The following PRRC2B variants were observed in gnomAD, a reference collection of about 807,000 sequenced individuals.
PRRC2B encodes proline rich coiled-coil 2B.
Under a neutral mutation model 242.3 loss-of-function variants are expected in PRRC2B, and 68 were observed. The observed-to-expected ratio is 0.28, with a 90% CI of 0.23 to 0.34. The LOEUF (loss-of-function observed/expected upper bound fraction) is 0.34. Among genes scored for constraint, PRRC2B ranks in the 10% least tolerant of loss-of-function variants. The pLI, the probability that PRRC2B is intolerant of heterozygous loss-of-function variation, is 1.00. For synonymous variants in PRRC2B, 1,228 were observed against 1,173.6 expected, an observed-to-expected ratio of 1.05 and a Z score of -0.95; for missense variants, 2,835 against 2,954.8, an observed-to-expected ratio of 0.96 and a Z score of 0.94.
At chr9:131,466,689 A>T (rs180852974) in intron 12 of PRRC2B, among the ~76,000 whole-genome samples, 1 of 151,422 alleles carries the variant, frequency 6.6e-6, no homozygotes, top group Non-Finnish European at 1.5e-5. Context: ...CAATGGTGTG[A>T]TCTCACTGCA....
upstream of PRRC2B, chr9:131,394,047 G>A (rs1836965943): frequency 6.7e-6 from 1 of 149,812 alleles, no homozygotes; most frequent in East Asian, 2.0e-4. Flanking sequence ...GGCGGCGGCA[G>A]GCGGGGGGCG....
At position 131,475,912 on chromosome 9, in the gene PRRC2B, A is replaced by C; in HGVS notation, c.3783A>C (p.Arg1261Ser). ...TDRDYVPDSY[R>S]HPDAFGGRGF... ...GAGACTATGTCCCAGATTCCTACAGACACCCTGACGCATTTGGTGGCCGGG... is the reference window on the plus strand; with the variant it reads ...GAGACTATGTCCCAGATTCCTACAGCCACCCTGACGCATTTGGTGGCCGGG... Residue 1261 changes from arginine (R) to serine (S), a missense_variant, in exon 16 of 32, where the codon AGA (arginine) becomes AGC (serine). By Grantham distance (110) the Arg-to-Ser change is moderately radical. Transcript: ENST00000683519. 1.2e-6 allele frequency: 2 copies of C among 1,613,784 alleles called. No homozygotes were observed. The highest frequency in any genetic ancestry group is 1.7e-6 in the Non-Finnish European group (2 of 1,179,810).
At chr9:131,430,530 T>C (rs534241536) in intron 2 of PRRC2B, among the ~76,000 whole-genome samples, 2 of 147,094 alleles carry the variant, frequency 1.4e-5, no homozygotes, top group South Asian at 2.2e-4. Context: ...TAGATAGATA[T>C]CTATCTATAG....
In PRRC2B at chr9:131,482,419, G is replaced by A. The variant is rs1213325903; in HGVS notation, c.5032G>A (p.Glu1678Lys). The A allele has an allele frequency of 6.2e-7, 1 of 1,600,936 alleles. No homozygotes were observed. ...AGATAGTGGCGTTGACTTGAGTGCC[G>A]AGTCTCGGGAGTCGTCTGCGACCTC... ...QGDSGVDLSA[E>K]SRESSATSSQ... The change falls in exon 21 of 32, where the codon GAG (glutamate) becomes AAG (lysine). Residue 1678 changes from glutamate (E) to lysine (K), a missense_variant. Transcript: ENST00000683519. This position sits in a 1 kb window ranked among gnomAD's most constrained non-coding sequence, Gnocchi z 5.2.
chr9:131,444,410 G>C lies in PRRC2B; in HGVS notation c.613+82G>C, dbSNP rs138807251. 493 of 1,474,936 alleles carry C rather than the reference G, an allele frequency of 3.3e-4. 2 individuals carry two copies. In the African/African-American group the frequency reaches 6.3e-3, roughly 19 times the overall value. The allele number at this position is 1,474,936 out of a possible 1,614,324, so 91.4% of individuals were successfully genotyped here. A position where few individuals can be genotyped will look rare whatever the true frequency, so the allele number is the denominator to read the frequency against. On this transcript the variant is annotated intron_variant, in intron 6 of 31. Transcript: ENST00000683519. ...CTCTCTGCACTCCTAAAAGGGTGCT[G>C]ATGCCACTGGGGTCTCCGGTTCGAG...
At chr9:131,471,084 TG>T in intron 14 of PRRC2B, 101 bp downstream of exon 14, 1 of 799,486 alleles carries the variant, frequency 1.3e-6, no homozygotes, top group Non-Finnish European at 2.0e-6. Flanking sequence ...GATTTTGGTC[TG>T]GCTCTTTGTC....
intron 1 of PRRC2B, among the ~76,000 whole-genome samples, chr9:131,409,601 C>T (rs1471316663): frequency 3.3e-5 from 5 of 152,140 alleles, no homozygotes; most frequent in South Asian, 4.1e-4. Context: ...CTGTGGGGGC[C>T]GGGCTGGGCT....
chr9:131,483,469 G>GCTC (rs774540700), intron 23 of PRRC2B, 24 bp downstream of exon 23: 7 of 1,605,676 alleles, frequency 4.4e-6, no homozygotes, highest in Non-Finnish European at 5.1e-6. Context: ...TCCACTTTTG[G>GCTC]CTCCACTCAC....
intron 1 of PRRC2B, among the ~76,000 whole-genome samples, chr9:131,399,953 AT>A (rs1367669485): frequency 1.3e-5 from 2 of 152,112 alleles, no homozygotes; most frequent in Admixed American, 1.3e-4. Context: ...CACGTGGCTG[AT>A]TATCTCCCAT....
intron 1 of PRRC2B, among the ~76,000 whole-genome samples, chr9:131,385,629 C>G (rs1313877308): frequency 6.6e-6 from 1 of 150,720 alleles, no homozygotes; most frequent in Non-Finnish European, 1.5e-5. Context: ...AACAGTCTTG[C>G]AAGTGTTAAT....
rs774795989 is a variant in PRRC2B, at chr9:131,447,669, A to G, written c.985A>G (p.Asn329Asp). 1 of 1,596,366 alleles carries G rather than the reference A, an allele frequency of 6.3e-7. No homozygotes were observed. The highest frequency in any genetic ancestry group is 2.2e-5 in the East Asian group (1 of 44,494). ...CATCTTTTCTTTTATCAGAAAAGAA[A>G]ACAGGCTGGGATTGTCTCGCCCACT... Reference protein sequence around the residue: ...FQMNDQDGKENRLGLSRPLRP... With the variant: ...FQMNDQDGKEDRLGLSRPLRP... The change falls in exon 9 of 32, where the codon AAC becomes GAC. Residue 329 changes from asparagine (N) to aspartate (D), a missense_variant. Transcript: ENST00000683519.
chr9:131,393,486 TAGTTTTCATTTTGTAAAAATGGGACA>T (rs1425517963), upstream of PRRC2B, among the ~76,000 whole-genome samples: 1 of 152,242 alleles, frequency 6.6e-6, no homozygotes, highest in African/African-American at 2.4e-5. Flanking sequence ...AGGGGCTTAT[TAGTTTTCATTTTGTAAAAATGGGACA>T]AAGTACCCAT....
At chr9:131,387,872 A>T (rs1035411556) in intron 1 of PRRC2B, among the ~76,000 whole-genome samples, 2 of 150,910 alleles carry the variant, frequency 1.3e-5, no homozygotes, top group South Asian at 2.1e-4. Context: ...CAACAGTAAT[A>T]TTTTTGATAT....
At chr9:131,386,984 A>G (rs1836834572) in intron 1 of PRRC2B, among the ~76,000 whole-genome samples, 1 of 149,850 alleles carries the variant, frequency 6.7e-6, no homozygotes, top group East Asian at 2.0e-4. Context: ...CTGTGAAGTT[A>G]GGCCTGTCTC....
chr9:131,472,412 C>G (rs1315896957), intron 14 of PRRC2B, among the ~76,000 whole-genome samples: 2 of 151,554 alleles, frequency 1.3e-5, no homozygotes, highest in East Asian at 1.9e-4. Flanking sequence ...TCAAGCGATT[C>G]TTCTGCCTCA....
At chr9:131,495,187 C>G (rs1423296977) in intron 31 of PRRC2B, among the ~76,000 whole-genome samples, 1 of 152,148 alleles carries the variant, frequency 6.6e-6, no homozygotes, top group Non-Finnish European at 1.5e-5. Flanking sequence ...CACCCCACTC[C>G]CCGTGTAGAG....
intron 1 of PRRC2B, among the ~76,000 whole-genome samples, chr9:131,406,860 G>GA (rs1336147490): frequency 6.6e-6 from 1 of 152,156 alleles, no homozygotes; most frequent in East Asian, 1.9e-4. Context: ...AGTAGAAAGT[G>GA]AAAGTCATTC....
intron 1 of PRRC2B, among the ~76,000 whole-genome samples, chr9:131,423,323 A>T (rs1044345719): frequency 6.6e-6 from 1 of 152,120 alleles, no homozygotes; most frequent in African/African-American, 2.4e-5. Flanking sequence ...CCTGCTTCAC[A>T]CTTGGATGCT....
At chr9:131,395,225 C>G (rs180942459) in intron 1 of PRRC2B, among the ~76,000 whole-genome samples, 116 of 152,126 alleles carry the variant, frequency 7.6e-4, no homozygotes, top group Middle Eastern at 3.4e-3. Flanking sequence ...TGGGAGAAAT[C>G]TTTAAATGCC....
Sources: gnomAD v4.1 joint callset for allele counts (sites outside exome capture counted in the v4.1 genomes callset) on GRCh38, gnomAD v4.1.1 for gene constraint, Gnocchi (gnomAD v3.1) non-coding constraint, MANE v1.5 for transcripts, NCBI Gene and HGNC (gene_info 2026-07-23, HGNC 2026-07-21) for gene names.